Variants in PARP6 observed in about 807,000 individuals in gnomAD.
PARP6 encodes the protein poly(ADP-ribose) polymerase family member 6.
In PARP6, 27 loss-of-function variants were observed where a neutral mutation model predicts 92.0. The observed-to-expected ratio is 0.29, with a 90% CI of 0.22 to 0.40. The LOEUF (loss-of-function observed/expected upper bound fraction) is 0.40, where lower values mean the gene tolerates loss of function less well. Among genes scored for constraint, PARP6 ranks in the 10% least tolerant of loss-of-function variants. The probability of loss-of-function intolerance (pLI) is 1.00; values close to 1 mark genes in which losing one functional copy is unlikely to be tolerated. For missense variants in PARP6, 501 were observed against 784.5 expected (o/e 0.64, Z 4.32); for synonymous variants, 272 against 281.2 (o/e 0.97, Z 0.33).
rs777095710 is a variant in PARP6, at chr15:72,242,600, C to G, written c.1641+20G>C. 9.8e-6 allele frequency: 15 copies of G among 1,531,628 alleles called. No individual in the cohort carries two copies. In the African/African-American group the frequency reaches 2.0e-4, roughly 21 times the overall value. 94.9% of individuals were successfully genotyped at this position (1,531,628 alleles called of 1,614,324 possible). On this transcript the variant is annotated intron_variant, in intron 21 of 23. Transcript: ENST00000569795. The surrounding 1 kb of genome is among the most constrained non-coding windows in gnomAD (Gnocchi z 4.3). ...TTAGCCCCAGGGAAAGGTCCTGCCTCATTAGAATAGTTCCAATACCTGGGG... is the reference window on the plus strand; with the variant it reads ...TTAGCCCCAGGGAAAGGTCCTGCCTGATTAGAATAGTTCCAATACCTGGGG...
In PARP6 at chr15:72,256,524, CA is replaced by C; in HGVS notation, c.1065del (p.Phe355LeufsTer35). Reference sequence around the variant, plus strand: ...GGGTCCACCACAGAGGGATAAGGCTCAAAGATGATGCTCTTTCTAGGGGACT... The same window carrying C: ...GGGTCCACCACAGAGGGATAAGGCTCAAGATGATGCTCTTTCTAGGGGACT... ...ALESPRKSII[F>X]EPYPSVVDPT... On this transcript the variant is annotated frameshift_variant, in exon 14 of 24. Coordinates refer to ENST00000569795, the MANE Select transcript of PARP6 (RefSeq NM_001323532.2). LOFTEE classifies it high-confidence loss of function. 6.3e-7 allele frequency: 1 copy of C among 1,598,716 alleles called. No homozygotes were observed. The highest frequency in any genetic ancestry group is 8.5e-7 in the Non-Finnish European group (1 of 1,173,478).
At chr15:72,267,735 G>A in intron 2 of PARP6, 64 bp from the exon 3 acceptor site, 2 of 468,474 alleles carry the variant, frequency 4.3e-6, no homozygotes, top group Non-Finnish European at 7.7e-6. Context: ...TATATATACA[G>A]GCACACGTAT....
intron 8 of PARP6, among the ~76,000 whole-genome samples, chr15:72,262,621 T>A (rs1597112044): frequency 6.6e-6 from 1 of 152,200 alleles, no homozygotes; most frequent in East Asian, 1.9e-4. Context: ...TGCCAACCAC[T>A]CACCTCCAAA....
intron 20 of PARP6, among the ~76,000 whole-genome samples, chr15:72,247,005 GC>G (rs1171886287): frequency 6.6e-6 from 1 of 152,070 alleles, no homozygotes; most frequent in Non-Finnish European, 1.5e-5. Context: ...TGATCTCCCT[GC>G]CTTGGCCTCC....
At chr15:72,264,266 G>A (rs2086271844) in intron 8 of PARP6, among the ~76,000 whole-genome samples, 1 of 152,164 alleles carries the variant, frequency 6.6e-6, no homozygotes, top group African/African-American at 2.4e-5. Context: ...AACCACTAGA[G>A]AAATATGAAT....
chr15:72,257,343 C>A lies in PARP6; in HGVS notation c.999+5G>T, dbSNP rs770182686. 1.2e-6 allele frequency: 2 copies of A among 1,607,556 alleles called. No homozygotes were observed. The highest frequency in any genetic ancestry group is 1.7e-6 in the Non-Finnish European group (2 of 1,173,960). ...ATTCCCCAGCCACGTTTCCCTCCCC[C>A]ATACCTCTGCTCCAGTGGCCACCTC... is the stretch of plus-strand genomic sequence containing the variant. On this transcript the variant is annotated splice_donor_5th_base_variant and intron_variant, in intron 13 of 23. Transcript: ENST00000569795.
At chr15:72,253,352 C>A in intron 16 of PARP6, 85 bp downstream of exon 16, 1 of 1,063,910 alleles carries the variant, frequency 9.4e-7, no homozygotes, top group East Asian at 2.4e-5. Context: ...ATGTTGAAAC[C>A]ACCACTAAAA....
chr15:72,245,729 CTATGATATCTT>C (rs1431654055), intron 20 of PARP6: 1 of 152,144 alleles, frequency 6.6e-6, no homozygotes, highest in African/African-American at 2.4e-5. Flanking sequence ...TGAAAGGTGT[CTATGATATCTT>C]TATGTAATCG....
At chr15:72,251,062 A>G (rs1180050497) in intron 17 of PARP6, 108 bp from the exon 18 acceptor site, 4 of 992,762 alleles carry the variant, frequency 4.0e-6, no homozygotes, top group South Asian at 2.7e-5. Context: ...AACCCCACAC[A>G]AGGGAAATAT....
chr15:72,252,708 C>G (rs2084535135), intron 16 of PARP6, among the ~76,000 whole-genome samples: 1 of 152,140 alleles, frequency 6.6e-6, no homozygotes, highest in African/African-American at 2.4e-5. Flanking sequence ...TGGTCTCGAA[C>G]TCCCAACCTC....
intron 20 of PARP6, among the ~76,000 whole-genome samples, chr15:72,247,296 C>A (rs1469669553): frequency 1.3e-5 from 2 of 152,112 alleles, no homozygotes; most frequent in Admixed American, 1.3e-4. Flanking sequence ...GCCTCAGCCT[C>A]CTGACCAGCT....
chr15:72,259,575 A>C, intron 11 of PARP6, 33 bp downstream of exon 11: 1 of 1,603,292 alleles, frequency 6.2e-7, no homozygotes, highest in South Asian at 1.1e-5. Flanking sequence ...ACAACAGGGA[A>C]GGGCTTCGGA....
At chr15:72,249,998 G>A (rs752385159) in intron 19 of PARP6, 22 bp downstream of exon 19, 4 of 1,516,398 alleles carry the variant, frequency 2.6e-6, no homozygotes, top group Non-Finnish European at 3.7e-6. Flanking sequence ...TAGAAATAAA[G>A]GAGAAAGGGG....
intron 2 of PARP6, among the ~76,000 whole-genome samples, chr15:72,268,330 C>T (rs193086671): frequency 1.4e-3 from 213 of 152,346 alleles, no homozygotes; most frequent in African/African-American, 4.5e-3. Flanking sequence ...CCAACTCACA[C>T]CAGAGTTAAG....
At chr15:72,259,731 G>T in intron 10 of PARP6, 70 bp from the exon 11 acceptor site, 1 of 1,328,082 alleles carries the variant, frequency 7.5e-7, no homozygotes, top group Non-Finnish European at 1.1e-6. Flanking sequence ...CCTGACTCTT[G>T]CCTATCACCT....
chr15:72,245,938 G>A (rs1363570030), intron 20 of PARP6, among the ~76,000 whole-genome samples: 10 of 152,014 alleles, frequency 6.6e-5, no homozygotes, highest in Non-Finnish European at 1.0e-4. Context: ...CTCACTACTC[G>A]GAAAGACAAA....
At chr15:72,267,977 C>T (rs2086825332) in intron 2 of PARP6, among the ~76,000 whole-genome samples, 1 of 152,204 alleles carries the variant, frequency 6.6e-6, no homozygotes, top group South Asian at 2.1e-4. Context: ...GTCTCGAACT[C>T]CCGACTTCAG....
At chr15:72,255,866 G>A (rs1350933980) in intron 14 of PARP6, among the ~76,000 whole-genome samples, 2 of 127,090 alleles carry the variant, frequency 1.6e-5, no homozygotes, top group Non-Finnish European at 1.6e-5. Context: ...GTACAATCTC[G>A]GCTCACTGCA....
At chr15:72,256,014 G>A (rs915137131) in intron 14 of PARP6, among the ~76,000 whole-genome samples, 1 of 151,132 alleles carries the variant, frequency 6.6e-6, no homozygotes, top group Non-Finnish European at 1.5e-5. Context: ...AGCCAGGATG[G>A]TCTCGATCTC....
Sources: allele counts gnomAD v4.1 joint callset (sites outside exome capture counted in the v4.1 genomes callset), GRCh38; gene constraint gnomAD v4.1.1; non-coding constraint Gnocchi (gnomAD v3.1); transcripts MANE v1.5; gene names NCBI Gene and HGNC (gene_info 2026-07-23, HGNC 2026-07-21).